SLC5A12: variants seen among roughly 807,000 people sequenced by gnomAD.
SLC5A12 encodes the protein solute carrier family 5 member 12, also known as sodium-coupled monocarboxylate transporter 2.
A neutral mutation model predicts 72.7 loss-of-function variants in SLC5A12; 46 were observed. The observed-to-expected ratio is 0.63, with a 90% confidence interval of 0.50 to 0.81. The LOEUF (loss-of-function observed/expected upper bound fraction) is 0.81, where lower values mean the gene tolerates loss of function less well. Ranked by LOEUF, SLC5A12 falls within the 30% of genes least tolerant of loss-of-function variation. SLC5A12 has a pLI of 0.00. For synonymous variants in SLC5A12, 275 were observed against 264.4 expected, an observed-to-expected ratio of 1.04 and a Z score of -0.39; for missense variants, 683 against 740.7, an observed-to-expected ratio of 0.92 and a Z score of 0.90.
chr11:26,684,900 A>G (rs1854493841), intron 10 of SLC5A12, among the ~76,000 whole-genome samples: 1 of 152,218 alleles, frequency 6.6e-6, no homozygotes, highest in Non-Finnish European at 1.5e-5. Flanking sequence ...TTCCATGAAT[A>G]GGAAAATAAA....
Position 26,668,063 on chromosome 11 carries a change from C to A in SLC5A12, c.*3039G>T, listed in dbSNP as rs1439881297. 2.6e-5 allele frequency: 4 copies of A among 151,782 alleles called. No individual in the cohort carries two copies. The allele number at this position is 151,782 out of a possible 1,614,324, so 9.4% of individuals were successfully genotyped here. ...CTATTAAGTAGGGGTAATTTTTACT[C>A]CTATTAATTGGTGAATAAACTAAGA... On this transcript the variant is annotated 3_prime_UTR_variant, in exon 15 of 15. Transcript: ENST00000396005.
intron 2 of SLC5A12, 111 bp downstream of exon 2, chr11:26,712,530 C>T (rs1590739384): frequency 1.2e-5 from 7 of 581,534 alleles, no homozygotes; most frequent in East Asian, 9.4e-5. Context: ...AAGAAAGTAG[C>T]GTCTTCTTAG....
chr11:26,689,919 TTTAA>T (rs1006304480), intron 9 of SLC5A12, among the ~76,000 whole-genome samples: 11 of 152,270 alleles, frequency 7.2e-5, no homozygotes, highest in African/African-American at 2.6e-4. Flanking sequence ...GGCCATATAA[TTTAA>T]TTATTATAAT....
At chr11:26,718,635 TGTGTGTGTGTG>T (rs1855407771) in intron 1 of SLC5A12, among the ~76,000 whole-genome samples, 1 of 145,596 alleles carries the variant, frequency 6.9e-6, no homozygotes, top group African/African-American at 2.6e-5. Flanking sequence ...TGTGTGTGTG[TGTGTGTGTGTG>T]TGTGTGTGTG....
At chr11:26,710,514 T>C (rs1342495532) in intron 3 of SLC5A12, among the ~76,000 whole-genome samples, 1 of 151,890 alleles carries the variant, frequency 6.6e-6, no homozygotes, top group East Asian at 1.9e-4. Context: ...ATCTGTTGTT[T>C]CCTACCTTTT....
At chr11:26,702,107 G>A (rs1371321657) in intron 6 of SLC5A12, among the ~76,000 whole-genome samples, 2 of 152,092 alleles carry the variant, frequency 1.3e-5, no homozygotes, top group Admixed American at 6.6e-5. Context: ...ATCTATTTTA[G>A]AGCAGAATTT....
At chr11:26,714,549 A>G (rs1479951438) in intron 1 of SLC5A12, among the ~76,000 whole-genome samples, 1 of 152,192 alleles carries the variant, frequency 6.6e-6, no homozygotes, top group Non-Finnish European at 1.5e-5. Context: ...TATGTCTTTC[A>G]GTATATAATA....
intron 2 of SLC5A12, among the ~76,000 whole-genome samples, chr11:26,712,350 C>T (rs1590739212): frequency 6.6e-6 from 1 of 152,128 alleles, no homozygotes; most frequent in African/African-American, 2.4e-5. Flanking sequence ...AGTTATCAGA[C>T]CATTTCATAT....
At chr11:26,723,366 C>G (rs183969506), upstream of SLC5A12, 4 of 151,840 alleles carry the variant, frequency 2.6e-5, no homozygotes, top group East Asian at 7.7e-4. Context: ...AATTCCTCCA[C>G]TAGATTTGGA....
In SLC5A12 at chr11:26,721,550, C is replaced by G; in HGVS notation, c.165G>C (p.Leu55Phe). Residue 55 changes from leucine to phenylalanine, a missense_variant, in exon 1 of 15, where the codon TTG becomes TTC. Leu to Phe is a conservative substitution (Grantham distance 22). Coordinates refer to ENST00000396005, the MANE Select transcript of SLC5A12 (RefSeq NM_178498.4). ...GRQMSFGPVG[L>F]SLTASFMSAV... ...CTGACATGAAGCTGGCTGTCAGAGACAAGCCGACAGGGCCAAAGCTCATTT... is the reference window on the plus strand; with the variant it reads ...CTGACATGAAGCTGGCTGTCAGAGAGAAGCCGACAGGGCCAAAGCTCATTT... 1 of 1,614,112 alleles carries G rather than the reference C, an allele frequency of 6.2e-7. No homozygotes were observed. The highest frequency in any genetic ancestry group is 8.5e-7 in the Non-Finnish European group (1 of 1,180,014).
At chr11:26,695,096 T>A (rs777974334) in intron 8 of SLC5A12, among the ~76,000 whole-genome samples, 1 of 149,018 alleles carries the variant, frequency 6.7e-6, no homozygotes, top group Non-Finnish European at 1.5e-5. Context: ...CTAAAAATAT[T>A]TTTTTAAAAC....
intron 6 of SLC5A12, 23 bp downstream of exon 6, chr11:26,703,508 A>T: frequency 6.2e-7 from 1 of 1,610,310 alleles, no homozygotes; most frequent in East Asian, 2.2e-5. Context: ...AAACATTAAA[A>T]TTTTTCTTGA....
chr11:26,709,429 A>G, intron 3 of SLC5A12, 50 bp from the exon 4 acceptor site: 1 of 1,405,684 alleles, frequency 7.1e-7, no homozygotes, highest in Middle Eastern at 1.8e-4. Context: ...AAAAAATTAA[A>G]AGAGCAAGTT....
intron 6 of SLC5A12, among the ~76,000 whole-genome samples, chr11:26,699,919 T>G (rs1854917839): frequency 6.6e-6 from 1 of 152,198 alleles, no homozygotes; most frequent in South Asian, 2.1e-4. Flanking sequence ...TAAGAAATAA[T>G]GAAATGATTG....
At chr11:26,673,829 G>T (rs1213236136) in intron 13 of SLC5A12, among the ~76,000 whole-genome samples, 1 of 151,922 alleles carries the variant, frequency 6.6e-6, no homozygotes, top group African/African-American at 2.4e-5. Flanking sequence ...CCAACAGAGG[G>T]GATAGCAGTA....
At chr11:26,708,997 GAATA>G (rs1351467875) in intron 4 of SLC5A12, 1 of 211,582 alleles carries the variant, frequency 4.7e-6, no homozygotes, top group Non-Finnish European at 9.5e-6. Context: ...GGCCATGAAT[GAATA>G]AACTATTTTT....
chr11:26,697,324 A>G, intron 7 of SLC5A12, 72 bp from the exon 8 acceptor site: 2 of 1,335,254 alleles, frequency 1.5e-6, no homozygotes, highest in South Asian at 1.3e-5. Context: ...AAGAGAGAGA[A>G]AAAAATAGGA....
chr11:26,705,947 C>T (rs1418859697), intron 4 of SLC5A12, among the ~76,000 whole-genome samples: 2 of 149,782 alleles, frequency 1.3e-5, no homozygotes, highest in Non-Finnish European at 3.0e-5. Context: ...CACACACACA[C>T]ACACACACAC....
chr11:26,674,866 T>G (rs575561488), intron 13 of SLC5A12, among the ~76,000 whole-genome samples: 1 of 152,210 alleles, frequency 6.6e-6, no homozygotes, highest in African/African-American at 2.4e-5. Flanking sequence ...ACATTTTACA[T>G]AGATTATCAC....
Sources: allele counts gnomAD v4.1 joint callset (sites outside exome capture counted in the v4.1 genomes callset), GRCh38; gene constraint gnomAD v4.1.1; transcripts MANE v1.5; gene names NCBI Gene and HGNC (gene_info 2026-07-23, HGNC 2026-07-21).